The following CTTNBP2 variants were observed in gnomAD, a reference collection of about 807,000 sequenced individuals.
The protein encoded by CTTNBP2 is cortactin-binding protein 2.
Under a neutral mutation model 156.9 loss-of-function variants are expected in CTTNBP2, and 108 were observed. The observed-to-expected ratio is 0.69, with a 90% CI of 0.59 to 0.81. The LOEUF (loss-of-function observed/expected upper bound fraction) is 0.81, where lower values mean the gene tolerates loss of function less well. Ranked by LOEUF, CTTNBP2 falls within the 30% of genes least tolerant of loss-of-function variation. The probability of loss-of-function intolerance (pLI) is 0.00; values close to 1 mark genes in which losing one functional copy is unlikely to be tolerated. For missense variants in CTTNBP2, 1,924 were observed against 2,035.4 expected (o/e 0.95, Z 1.05); for synonymous variants, 767 against 751.8 (o/e 1.02, Z -0.33).
intron 2 of CTTNBP2, among the ~76,000 whole-genome samples, chr7:117,854,401 T>A (rs1332068063): frequency 6.6e-6 from 1 of 152,158 alleles, no homozygotes; most frequent in Non-Finnish European, 1.5e-5. Flanking sequence ...AGCAGACATG[T>A]CATATGAGGA....
chr7:117,870,738 T>C (rs1159791709), intron 1 of CTTNBP2, among the ~76,000 whole-genome samples: 1 of 152,196 alleles, frequency 6.6e-6, no homozygotes, highest in African/African-American at 2.4e-5. Context: ...ATATGGCCTA[T>C]AAAAGTCATC....
chr7:117,767,342 A>T (rs1405859038), intron 8 of CTTNBP2, among the ~76,000 whole-genome samples, 166 bp from the exon 9 acceptor site: 2 of 152,246 alleles, frequency 1.3e-5, no homozygotes, highest in African/African-American at 4.8e-5. Context: ...TAAACTAAAC[A>T]ATGTCTAGAA....
intron 2 of CTTNBP2, among the ~76,000 whole-genome samples, chr7:117,858,554 C>T (rs1415202424): frequency 6.6e-6 from 1 of 152,068 alleles, no homozygotes; most frequent in Admixed American, 6.6e-5. Flanking sequence ...CTGGTCTTGG[C>T]CAGTGGTTCT....
At chr7:117,862,156 G>A (rs1300444370) in intron 1 of CTTNBP2, among the ~76,000 whole-genome samples, 2 of 152,094 alleles carry the variant, frequency 1.3e-5, no homozygotes, top group Non-Finnish European at 2.9e-5. Flanking sequence ...TAGTCAGGTG[G>A]GTTTGGAACC....
chr7:117,796,220 G>A (rs1321437805), intron 3 of CTTNBP2, among the ~76,000 whole-genome samples: 2 of 152,102 alleles, frequency 1.3e-5, no homozygotes, highest in African/African-American at 4.8e-5. Context: ...CGTCACCTCT[G>A]GGACTCACTC....
At position 117,816,328 on chromosome 7, in the gene CTTNBP2, T is replaced by C. The variant is rs184690892; in HGVS notation, c.190-5339A>G. On this transcript the variant is annotated intron_variant, in intron 2 of 22. Coordinates refer to ENST00000160373, the MANE Select transcript of CTTNBP2 (RefSeq NM_033427.3). Reference sequence around the variant, plus strand: ...TCACCGTGCTTTGTAATGATCATTGTTCTTTGCACCCCCTGAACTGTGCAG... The same window carrying C: ...TCACCGTGCTTTGTAATGATCATTGCTCTTTGCACCCCCTGAACTGTGCAG... 1.5e-3 allele frequency among the ~76,000 whole-genome samples: 233 copies of C among 152,326 alleles called. 1 individual carries two copies. The highest frequency in any genetic ancestry group is 5.4e-3 in the African/African-American group (223 of 41,572).
intron 2 of CTTNBP2, among the ~76,000 whole-genome samples, chr7:117,820,436 A>G (rs1011599985): frequency 2.6e-5 from 4 of 152,164 alleles, no homozygotes; most frequent in African/African-American, 9.6e-5. Context: ...CATGTTTTTT[A>G]TCTTCTATTT....
chr7:117,848,994 T>G (rs1337475357), intron 2 of CTTNBP2, among the ~76,000 whole-genome samples: 1 of 152,250 alleles, frequency 6.6e-6, no homozygotes, highest in Non-Finnish European at 1.5e-5. Flanking sequence ...CCTTTAGTGC[T>G]ATTTCCACAG....
chr7:117,845,460 CTT>C (rs1320428751), intron 2 of CTTNBP2, among the ~76,000 whole-genome samples: 1 of 152,070 alleles, frequency 6.6e-6, no homozygotes, highest in East Asian at 1.9e-4. Flanking sequence ...AAAATTTCCT[CTT>C]TTGTGTCTTT....
At chr7:117,826,862 T>G (rs1458021903) in intron 2 of CTTNBP2, among the ~76,000 whole-genome samples, 1 of 140,682 alleles carries the variant, frequency 7.1e-6, no homozygotes, top group Non-Finnish European at 1.5e-5. Context: ...TTATTATTAT[T>G]ATTATTATTA....
At chr7:117,768,631 C>A (rs1327927627) in intron 8 of CTTNBP2, among the ~76,000 whole-genome samples, 5 of 146,782 alleles carry the variant, frequency 3.4e-5, no homozygotes, top group African/African-American at 1.3e-4. Flanking sequence ...AAGTGTATAA[C>A]TTGAAGCATT....
At chr7:117,815,128 A>G (rs765651361) in intron 2 of CTTNBP2, among the ~76,000 whole-genome samples, 14 of 152,204 alleles carry the variant, frequency 9.2e-5, no homozygotes, top group Admixed American at 1.3e-4. Flanking sequence ...CATATATTCA[A>G]AATGTACTTT....
At chr7:117,730,110 C>T (rs991623388) in intron 16 of CTTNBP2, among the ~76,000 whole-genome samples, 2 of 152,198 alleles carry the variant, frequency 1.3e-5, no homozygotes, top group African/African-American at 2.4e-5. Context: ...TTCAAGGCCA[C>T]GTAGTTGTCC....
At chr7:117,735,521 A>T in intron 14 of CTTNBP2, 100 bp from the exon 15 acceptor site, 2 of 946,880 alleles carry the variant, frequency 2.1e-6, no homozygotes, top group Non-Finnish European at 3.2e-6. Flanking sequence ...ATTAGCAAAG[A>T]TGTGGTATAA....
rs77856224 is a variant in CTTNBP2, at chr7:117,819,055, T to C, written c.190-8066A>G. Among the ~76,000 whole-genome samples the C allele has an allele frequency of 4.6e-3, 697 of 152,286 alleles. 8 individuals carry two copies. The highest frequency in any genetic ancestry group is 0.016 in the African/African-American group (662 of 41,554). On this transcript the variant is annotated intron_variant, in intron 2 of 22. Transcript: ENST00000160373. ...ATATCCCTCTCAAACCCTGAAATTC[T>C]ATGACTCAAAATCAAAAAGGATAGA...
Position 117,855,178 on chromosome 7 carries a change from G to C in CTTNBP2, c.189+6031C>G, listed in dbSNP as rs115059390. On this transcript the variant is annotated intron_variant, in intron 2 of 22. Coordinates refer to ENST00000160373, the MANE Select transcript of CTTNBP2 (RefSeq NM_033427.3). The stretch of plus-strand genomic sequence containing the variant: ...GTGGTTGGGCTCAGTTCTATAGAGA[G>C]GATGGGGGTCAACAAGCTATTACCT... 5.2e-3 allele frequency among the ~76,000 whole-genome samples: 795 copies of C among 152,280 alleles called. 7 individuals carry two copies. Among genetic ancestry groups the C allele is most frequent in the African/African-American group, 0.017 (705 of 41,546 alleles).
intron 5 of CTTNBP2, 78 bp downstream of exon 5, chr7:117,784,173 G>T (rs963036367): frequency 2.8e-6 from 3 of 1,061,628 alleles, no homozygotes; most frequent in Admixed American, 5.4e-5. Flanking sequence ...TGAACTTTCT[G>T]CTCATTACAA....
intron 19 of CTTNBP2, among the ~76,000 whole-genome samples, chr7:117,723,549 AT>A (rs1794920688): frequency 6.6e-6 from 1 of 152,100 alleles, no homozygotes; most frequent in South Asian, 2.1e-4. Flanking sequence ...TCCAATTTGG[AT>A]TTGTTTTGGG....
At chr7:117,804,826 C>T (rs1213073393) in intron 3 of CTTNBP2, among the ~76,000 whole-genome samples, 1 of 152,138 alleles carries the variant, frequency 6.6e-6, no homozygotes, top group African/African-American at 2.4e-5. Context: ...GAGCTTAATG[C>T]CTATGTGATG....
Sources: gnomAD v4.1 joint callset for allele counts (sites outside exome capture counted in the v4.1 genomes callset) on GRCh38, gnomAD v4.1.1 for gene constraint, MANE v1.5 for transcripts, NCBI Gene and HGNC (gene_info 2026-07-23, HGNC 2026-07-21) for gene names.